PDE4D: variants seen among roughly 807,000 people sequenced by gnomAD.
PDE4D encodes 3',5'-cyclic-AMP phosphodiesterase 4D.
In PDE4D, 24 loss-of-function variants were observed where a neutral mutation model predicts 87.4. That is an observed-to-expected ratio of 0.27 (90% CI 0.20 to 0.39). The LOEUF is 0.39. Ranked by LOEUF, PDE4D falls within the 10% of genes least tolerant of loss-of-function variation. The probability of loss-of-function intolerance (pLI) is 1.00; values close to 1 mark genes in which losing one functional copy is unlikely to be tolerated. For missense variants in PDE4D, 714 were observed against 1,041.0 expected (o/e 0.69, Z 4.32); for synonymous variants, 384 against 383.2 (o/e 1.00, Z -0.02).
rs559220819 is a variant in PDE4D at position 58,973,463 on chromosome 5, T to C, written c.*1201A>G. The C allele has an allele frequency of 6.8e-6, 1 of 147,860 alleles. No homozygotes were observed. The highest frequency in any genetic ancestry group is 2.1e-4 in the South Asian group (1 of 4,736). The allele number at this position is 147,860 out of a possible 1,614,324, so 9.2% of individuals were successfully genotyped here. On this transcript the variant is annotated 3_prime_UTR_variant, in exon 15 of 15. Coordinates refer to ENST00000340635, the MANE Select transcript of PDE4D (RefSeq NM_001104631.2). ...AATGAGCATGAAATGTGTGGATTAT[T>C]AGAGCATGAAATGTGTGGATTATTA...
intron 1 of PDE4D, among the ~76,000 whole-genome samples, chr5:59,787,140 G>A (rs971833820): frequency 6.6e-6 from 1 of 152,142 alleles, no homozygotes; most frequent in Non-Finnish European, 1.5e-5. Flanking sequence ...TCTAAAACGT[G>A]TCATTCCTCT....
intron 1 of PDE4D, among the ~76,000 whole-genome samples, chr5:60,363,550 G>A (rs1760263752): frequency 6.6e-6 from 1 of 152,132 alleles, no homozygotes; most frequent in African/African-American, 2.4e-5. Flanking sequence ...CAACAGAGAA[G>A]GTACTGCTTT....
chr5:59,637,701 T>C (rs1229593161), intron 1 of PDE4D, among the ~76,000 whole-genome samples: 1 of 151,258 alleles, frequency 6.6e-6, no homozygotes, highest in Non-Finnish European at 1.5e-5. Flanking sequence ...AGTTGAACAA[T>C]GAGAACATAT....
chr5:60,230,543 T>A (rs1204878465), intron 1 of PDE4D, among the ~76,000 whole-genome samples: 1 of 152,134 alleles, frequency 6.6e-6, no homozygotes, highest in Non-Finnish European at 1.5e-5. Context: ...AATTCATTCT[T>A]GTTTTGGCAA....
intron 5 of PDE4D, among the ~76,000 whole-genome samples, chr5:59,147,910 C>A (rs550600965): frequency 7.6e-4 from 115 of 152,288 alleles, no homozygotes; most frequent in Non-Finnish European, 1.4e-3. Flanking sequence ...TCTCTATAAT[C>A]TTTCAATGAA....
At chr5:59,895,726 G>A (rs552466938), upstream of PDE4D, among the ~76,000 whole-genome samples, 2 of 152,150 alleles carry the variant, frequency 1.3e-5, no homozygotes, top group African/African-American at 2.4e-5. Context: ...GCCACCTTTC[G>A]CCTCAATATA....
chr5:60,392,085 A>G lies in PDE4D; in HGVS notation c.-90+95857T>C, dbSNP rs137980135. ...AATAAAACCTACTGACAGGACTATTATAAAATGAATTGTGGAGAAATCTTT... is the reference window on the plus strand; with the variant it reads ...AATAAAACCTACTGACAGGACTATTGTAAAATGAATTGTGGAGAAATCTTT... On this transcript the variant is annotated intron_variant, in intron 1 of 16. Transcript: ENST00000502484. Among the ~76,000 whole-genome samples, 381 of 152,350 alleles carry G rather than the reference A, an allele frequency of 2.5e-3. 2 individuals are homozygous for G. Among genetic ancestry groups the G allele is most frequent in the African/African-American group, 8.9e-3 (369 of 41,582 alleles).
chr5:59,665,531 C>T (rs1445884055), intron 1 of PDE4D, among the ~76,000 whole-genome samples: 3 of 152,290 alleles, frequency 2.0e-5, no homozygotes, highest in Non-Finnish European at 4.4e-5. Flanking sequence ...AGGTCCTCTA[C>T]CAAAATGTTA....
Position 60,328,907 on chromosome 5 carries a change from A to C in PDE4D, c.-89-143220T>G, listed in dbSNP as rs146259865. ...AGTTGCTGTCTTTCTGCCAGGAGAA[A>C]AGAAACATTCTTTGATGGGGAGTCA... On this transcript the variant is annotated intron_variant, in intron 1 of 16. Transcript: ENST00000502484. 7.2e-3 allele frequency among the ~76,000 whole-genome samples: 1,095 copies of C among 152,344 alleles called. 8 individuals are homozygous for C. Among genetic ancestry groups the C allele is most frequent in the African/African-American group, 0.025 (1,058 of 41,572 alleles).
intron 5 of PDE4D, among the ~76,000 whole-genome samples, chr5:59,118,268 G>T (rs1309758721): frequency 6.6e-6 from 1 of 152,188 alleles, no homozygotes; most frequent in Non-Finnish European, 1.5e-5. Context: ...GGCCCAGGCT[G>T]ACTGAATCCC....
intron 1 of PDE4D, among the ~76,000 whole-genome samples, chr5:59,686,200 A>T (rs569014311): frequency 2.2e-4 from 34 of 152,296 alleles, no homozygotes; most frequent in Non-Finnish European, 4.0e-4. Context: ...AAGAACTATG[A>T]TTTAATAACA....
At chr5:59,942,341 T>A (rs1412428838) in intron 3 of PDE4D, among the ~76,000 whole-genome samples, 1 of 152,204 alleles carries the variant, frequency 6.6e-6, no homozygotes, top group Non-Finnish European at 1.5e-5. Context: ...GCTCTTCCCA[T>A]GTGACTCTGG....
chr5:60,248,670 T>C (rs1748070961), intron 1 of PDE4D, among the ~76,000 whole-genome samples: 1 of 152,064 alleles, frequency 6.6e-6, no homozygotes, highest in South Asian at 2.1e-4. Context: ...TTTTAAAAAG[T>C]ATATTTGTCT....
intron 1 of PDE4D, among the ~76,000 whole-genome samples, chr5:59,639,207 T>G (rs1741123902): frequency 6.6e-6 from 1 of 152,160 alleles, no homozygotes. Flanking sequence ...GATCCATTTT[T>G]GAGATATTAA....
chr5:60,323,980 G>T (rs1756545428), intron 1 of PDE4D, among the ~76,000 whole-genome samples: 1 of 152,070 alleles, frequency 6.6e-6, no homozygotes, highest in Non-Finnish European at 1.5e-5. Flanking sequence ...GTAGCACCAT[G>T]TGTCTGTCTT....
At chr5:59,178,537 T>C (rs1178832351) in intron 5 of PDE4D, among the ~76,000 whole-genome samples, 1 of 152,152 alleles carries the variant, frequency 6.6e-6, no homozygotes, top group African/African-American at 2.4e-5. Flanking sequence ...GTCTGTCACA[T>C]ATGCTTAAGA....
chr5:59,847,662 A>C (rs1047478664), intron 1 of PDE4D, among the ~76,000 whole-genome samples: 1 of 152,096 alleles, frequency 6.6e-6, no homozygotes, highest in African/African-American at 2.4e-5. Flanking sequence ...TTTTTGGAGA[A>C]AATCCTGGAG....
intron 1 of PDE4D, among the ~76,000 whole-genome samples, chr5:59,803,714 TG>T (rs1331385519): frequency 6.6e-6 from 1 of 152,128 alleles, no homozygotes; most frequent in African/African-American, 2.4e-5. Flanking sequence ...AACAAATACA[TG>T]AAATTGGCCA....
At chr5:59,462,791 A>G (rs182632645) in intron 1 of PDE4D, among the ~76,000 whole-genome samples, 8 of 152,286 alleles carry the variant, frequency 5.3e-5, no homozygotes, top group Non-Finnish European at 7.4e-5. Flanking sequence ...TTTCATATGT[A>G]CTATTTTCTG....
Sources: allele counts gnomAD v4.1 joint callset (sites outside exome capture counted in the v4.1 genomes callset), GRCh38; gene constraint gnomAD v4.1.1; transcripts MANE v1.5; gene names NCBI Gene and HGNC (gene_info 2026-07-23, HGNC 2026-07-21).